The following GALNT13 variants were observed in gnomAD, a reference collection of about 807,000 sequenced individuals.
GALNT13 encodes the protein UDP-GalNAc:polypeptide N-acetylgalactosaminyltransferase 13.
A neutral mutation model predicts 64.2 loss-of-function variants in GALNT13; 28 were observed. That is an observed-to-expected ratio of 0.44 (90% CI 0.32 to 0.60). GALNT13 has a LOEUF of 0.60. GALNT13 is among the 20% of genes least tolerant of loss of function. The pLI is 0.05. For synonymous variants in GALNT13, 214 were observed against 224.6 expected (o/e 0.95, Z 0.42); for missense variants, 577 against 669.8 (o/e 0.86, Z 1.53).
At chr2:153,321,054 G>A in the GALNT13 span, among the ~76,000 whole-genome samples, 1 of 152,160 alleles carries the variant, frequency 6.6e-6, no homozygotes, top group Non-Finnish European at 1.5e-5. Context: ...TGTTTTGAGT[G>A]AGAACAGGAT....
chr2:154,006,506 GT>G (rs1696260285), intron 3 of GALNT13, among the ~76,000 whole-genome samples: 1 of 152,036 alleles, frequency 6.6e-6, no homozygotes, highest in African/African-American at 2.4e-5. Context: ...ATAACTATTT[GT>G]GAATAAAATC....
chr2:153,566,348 G>GTTTTTTTTTTTTTTTT, the GALNT13 span, among the ~76,000 whole-genome samples: 158 of 74,760 alleles, frequency 2.1e-3, 12 homozygotes, highest in East Asian at 6.5e-3. Context: ...TTCTAATCAC[G>GTTTTTTTTTTTTTTTT]TTTTTTTTTT....
chr2:154,372,801 T>G (rs1341900607), intron 9 of GALNT13, among the ~76,000 whole-genome samples: 1 of 119,806 alleles, frequency 8.3e-6, no homozygotes, highest in Non-Finnish European at 1.9e-5. Context: ...GTTTTCACAG[T>G]GTGCATACAT....
chr2:153,577,329 G>A, the GALNT13 span, among the ~76,000 whole-genome samples: 1 of 152,022 alleles, frequency 6.6e-6, no homozygotes, highest in Admixed American at 6.6e-5. Flanking sequence ...AAAACTAGGA[G>A]TGTCAGAGTA....
At chr2:154,076,966 C>A (rs1475932978) in intron 3 of GALNT13, among the ~76,000 whole-genome samples, 1 of 151,576 alleles carries the variant, frequency 6.6e-6, no homozygotes, top group Non-Finnish European at 1.5e-5. Context: ...CTAAGGTGGT[C>A]TCTAAAATCT....
intron 9 of GALNT13, among the ~76,000 whole-genome samples, chr2:154,373,430 T>A (rs1025205256): frequency 6.6e-6 from 1 of 152,192 alleles, no homozygotes; most frequent in African/African-American, 2.4e-5. Flanking sequence ...ATTCAAAACC[T>A]TGAAGATAAT....
chr2:153,982,110 A>C (rs1694506588), intron 3 of GALNT13, among the ~76,000 whole-genome samples: 1 of 152,068 alleles, frequency 6.6e-6, no homozygotes, highest in South Asian at 2.1e-4. Context: ...GTGCTAGGAG[A>C]AATTAACATT....
At chr2:154,024,689 A>G (rs969779078) in intron 3 of GALNT13, among the ~76,000 whole-genome samples, 3 of 151,940 alleles carry the variant, frequency 2.0e-5, no homozygotes, top group Admixed American at 1.3e-4. Context: ...TTCTTCTCTC[A>G]GCTTGTCAAA....
chr2:153,628,424 C>A, the GALNT13 span, among the ~76,000 whole-genome samples: 59 of 151,890 alleles, frequency 3.9e-4, 1 homozygote, highest in African/African-American at 1.2e-3. Flanking sequence ...GTCTTGTGCC[C>A]GTTTTCAAAG....
At chr2:153,640,854 G>A in the GALNT13 span, among the ~76,000 whole-genome samples, 1 of 152,096 alleles carries the variant, frequency 6.6e-6, no homozygotes, top group African/African-American at 2.4e-5. Context: ...GAAGAATAAT[G>A]TTAGCTTAAC....
the GALNT13 span, among the ~76,000 whole-genome samples, chr2:153,678,487 C>T: frequency 8.4e-4 from 128 of 151,784 alleles, 5 homozygotes; most frequent in Admixed American, 8.0e-3. Flanking sequence ...TGAGTACACA[C>T]GGACACAAAG....
At chr2:154,363,648 T>C (rs1392270954) in intron 9 of GALNT13, among the ~76,000 whole-genome samples, 1 of 152,184 alleles carries the variant, frequency 6.6e-6, no homozygotes, top group Admixed American at 6.5e-5. Flanking sequence ...TGTGGGCAAA[T>C]TCTTTTTCTG....
intron 4 of GALNT13, among the ~76,000 whole-genome samples, chr2:154,164,472 G>C (rs564035926): frequency 1.3e-5 from 2 of 152,194 alleles, no homozygotes; most frequent in East Asian, 3.9e-4. Context: ...ATAGAAGCAT[G>C]AGATACTTGT....
At chr2:153,718,446 G>C in the GALNT13 span, among the ~76,000 whole-genome samples, 1 of 149,516 alleles carries the variant, frequency 6.7e-6, no homozygotes, top group Admixed American at 6.7e-5. Context: ...GTTTTGTTTT[G>C]TTTTGTTTTT....
chr2:153,362,441 T>C, the GALNT13 span, among the ~76,000 whole-genome samples: 1 of 147,688 alleles, frequency 6.8e-6, no homozygotes, highest in Admixed American at 7.0e-5. Context: ...GAAAATTGAA[T>C]AAAGAGTCAA....
chr2:153,345,719 GTCCTTCCT>G, the GALNT13 span, among the ~76,000 whole-genome samples: 1,157 of 79,964 alleles, frequency 0.014, 46 homozygotes, highest in African/African-American at 0.037. Flanking sequence ...CTCTCTTTCT[GTCCTTCCT>G]TCCTTCCTTC....
At chr2:153,740,682 C>T in the GALNT13 span, among the ~76,000 whole-genome samples, 3 of 152,136 alleles carry the variant, frequency 2.0e-5, no homozygotes, top group East Asian at 5.8e-4. Context: ...AATGTTCCTT[C>T]GGAGTTTTCA....
At chr2:153,110,651 A>T in the GALNT13 span, among the ~76,000 whole-genome samples, 1 of 152,064 alleles carries the variant, frequency 6.6e-6, no homozygotes, top group Admixed American at 6.6e-5. Flanking sequence ...CATCTTTCAA[A>T]TGAAGGACCA....
the GALNT13 span, among the ~76,000 whole-genome samples, chr2:153,699,957 T>C: frequency 1.3e-5 from 2 of 152,142 alleles, no homozygotes; most frequent in Non-Finnish European, 2.9e-5. Flanking sequence ...TTCAAAACAA[T>C]TGAAAAGGAG....
Sources: allele counts gnomAD v4.1 joint callset (sites outside exome capture counted in the v4.1 genomes callset), GRCh38; gene constraint gnomAD v4.1.1; transcripts MANE v1.5; gene names NCBI Gene and HGNC (gene_info 2026-07-23, HGNC 2026-07-21).